DCLK2: variants seen among roughly 807,000 people sequenced by gnomAD.
The protein encoded by DCLK2 is doublecortin like kinase 2.
DCLK2 carries 31 observed loss-of-function variants against 78.4 expected under a neutral mutation model. The observed-to-expected ratio is 0.40, with a 90% CI of 0.30 to 0.53. The LOEUF (loss-of-function observed/expected upper bound fraction) is 0.53. Among genes scored for constraint, DCLK2 ranks in the 20% least tolerant of loss-of-function variants. The pLI is 0.61. For missense variants in DCLK2, 872 were observed against 973.7 expected (o/e 0.90, Z 1.39); for synonymous variants, 407 against 374.9 (o/e 1.09, Z -0.99).
Position 150,257,420 on chromosome 4 carries a change from T to C in DCLK2, c.*1173T>C, listed in dbSNP as rs1441327481. On this transcript the variant is annotated 3_prime_UTR_variant, in exon 16 of 16. Coordinates refer to ENST00000296550, the MANE Select transcript of DCLK2 (RefSeq NM_001040260.4). The stretch of plus-strand genomic sequence containing the variant: ...CAAGTGTCCCCAACCTGCAATAAAC[T>C]TTTCCCTCTTGAAAAAAAGTAATCA... The C allele has an allele frequency of 6.6e-6, 1 of 152,610 alleles. No individual in the cohort carries two copies. Among genetic ancestry groups the C allele is most frequent in the Admixed American group, 6.5e-5 (1 of 15,284 alleles). The allele number at this position is 152,610 out of a possible 1,614,324, so 9.5% of individuals were successfully genotyped here.
chr4:150,120,943 C>T (rs1340051353), intron 2 of DCLK2, among the ~76,000 whole-genome samples: 2 of 152,052 alleles, frequency 1.3e-5, no homozygotes, highest in African/African-American at 4.8e-5. Flanking sequence ...TGGTGGCAGG[C>T]ACCTGTAATC....
At chr4:150,193,058 T>G (rs1738588005) in intron 2 of DCLK2, 80 bp from the exon 3 acceptor site, 2 of 867,218 alleles carry the variant, frequency 2.3e-6, no homozygotes, top group Non-Finnish European at 3.7e-6. Context: ...AAATTCAGGC[T>G]TAAAAATTCA....
chr4:150,086,034 A>C (rs1225888269), intron 1 of DCLK2, among the ~76,000 whole-genome samples: 2 of 152,152 alleles, frequency 1.3e-5, no homozygotes, highest in Non-Finnish European at 2.9e-5. Flanking sequence ...ATTTAGATGG[A>C]GTTCTTAAAA....
chr4:150,215,715 C>G (rs1740653667), intron 5 of DCLK2, among the ~76,000 whole-genome samples: 2 of 152,152 alleles, frequency 1.3e-5, no homozygotes, highest in South Asian at 4.1e-4. Flanking sequence ...TGATTGACAA[C>G]CCTGTAGAAA....
rs777760494 is a variant in DCLK2 at position 150,131,663 on chromosome 4, G to A, written c.756+28851G>A. On this transcript the variant is annotated intron_variant, in intron 2 of 15. Transcript: ENST00000296550. ...GTTACTGGAGAGACTGGGTCCCAGA[G>A]TCACTGTTCCTTGTCAAAAGCTCTT... 1.3e-4 allele frequency among the ~76,000 whole-genome samples: 20 copies of A among 152,254 alleles called. 1 individual carries two copies. Among genetic ancestry groups the A allele is most frequent in the Non-Finnish European group, 2.4e-4 (16 of 68,022 alleles).
intron 2 of DCLK2, among the ~76,000 whole-genome samples, chr4:150,161,514 A>G (rs1022209938): frequency 1.3e-5 from 2 of 152,216 alleles, no homozygotes; most frequent in Non-Finnish European, 2.9e-5. Flanking sequence ...CAGATAATTT[A>G]TAAGACATGA....
At chr4:150,253,060 C>A (rs1325599775) in intron 15 of DCLK2, among the ~76,000 whole-genome samples, 2 of 151,998 alleles carry the variant, frequency 1.3e-5, no homozygotes, top group African/African-American at 4.8e-5. Flanking sequence ...ACTTGCGATG[C>A]TGCTGTATTG....
chr4:150,175,052 TTA>T (rs1171255687), intron 2 of DCLK2, among the ~76,000 whole-genome samples: 9 of 27,764 alleles, frequency 3.2e-4, no homozygotes, highest in Non-Finnish European at 4.6e-4. Flanking sequence ...ATTTATATAT[TTA>T]TATATATATT....
At chr4:150,217,636 C>G (rs1740824119) in intron 5 of DCLK2, among the ~76,000 whole-genome samples, 1 of 152,150 alleles carries the variant, frequency 6.6e-6, no homozygotes, top group South Asian at 2.1e-4. Context: ...ATCTTCTTAT[C>G]CCTTAAAACA....
At chr4:150,192,945 CTGT>C (rs1347629996) in intron 2 of DCLK2, among the ~76,000 whole-genome samples, 190 bp from the exon 3 acceptor site, 1 of 152,192 alleles carries the variant, frequency 6.6e-6, no homozygotes, top group African/African-American at 2.4e-5. Flanking sequence ...ATCCTTGACT[CTGT>C]TGTTCTGAGG....
chr4:150,124,517 ACGT>A (rs1229346462), intron 2 of DCLK2, among the ~76,000 whole-genome samples: 3 of 152,208 alleles, frequency 2.0e-5, no homozygotes, highest in Admixed American at 1.3e-4. Flanking sequence ...ACTGAAGCTG[ACGT>A]TAGTTACATG....
intron 5 of DCLK2, among the ~76,000 whole-genome samples, chr4:150,216,342 T>A (rs984901793): frequency 2.0e-4 from 30 of 152,198 alleles, no homozygotes; most frequent in Admixed American, 1.2e-3. Context: ...AAGTCTTTTT[T>A]AAAAAGTTCT....
intron 6 of DCLK2, 58 bp downstream of exon 6, chr4:150,220,836 C>T (rs772151741): frequency 5.2e-5 from 70 of 1,354,796 alleles, no homozygotes; most frequent in Non-Finnish European, 6.9e-5. Flanking sequence ...GGACTTGGTG[C>T]TCACCTAAAA....
chr4:150,116,417 G>A (rs962390146), intron 2 of DCLK2, among the ~76,000 whole-genome samples: 5 of 152,160 alleles, frequency 3.3e-5, no homozygotes, highest in African/African-American at 1.2e-4. Context: ...TCCCACAAGC[G>A]GAAAGTTCAG....
rs943836615 is a variant in DCLK2, at chr4:150,222,820, C to T, written c.1241+1035C>T. ...GGCAGAGGTTGCGGTGAGCCGAGAT[C>T]GTGCCATTGCACTTCAGCCTGGGCA... On this transcript the variant is annotated intron_variant, in intron 7 of 15. Coordinates refer to ENST00000296550, the MANE Select transcript of DCLK2 (RefSeq NM_001040260.4). Among the ~76,000 whole-genome samples the T allele has an allele frequency of 5.3e-5, 8 of 151,478 alleles. No individual in the cohort carries two copies. The South Asian group carries it at 6.2e-4, about 12-fold the overall frequency.
At chr4:150,095,770 T>C (rs2150144873) in intron 1 of DCLK2, among the ~76,000 whole-genome samples, 1 of 152,336 alleles carries the variant, frequency 6.6e-6, no homozygotes, top group Non-Finnish European at 1.5e-5. Context: ...AAGGTTCCTA[T>C]TGCTTTACTA....
At chr4:150,163,217 G>A (rs1018172845) in intron 2 of DCLK2, among the ~76,000 whole-genome samples, 2 of 152,102 alleles carry the variant, frequency 1.3e-5, no homozygotes, top group Admixed American at 6.5e-5. Context: ...GGCCAACATG[G>A]TGAAACCCTG....
chr4:150,174,825 T>A (rs28420313), intron 2 of DCLK2, among the ~76,000 whole-genome samples: 2 of 148,082 alleles, frequency 1.4e-5, no homozygotes, highest in Non-Finnish European at 3.0e-5. Context: ...GGTGAAACCC[T>A]GTATCCACTG....
At chr4:150,099,056 C>T (rs1730684555) in intron 1 of DCLK2, among the ~76,000 whole-genome samples, 1 of 151,860 alleles carries the variant, frequency 6.6e-6, no homozygotes, top group Non-Finnish European at 1.5e-5. Flanking sequence ...GCAGGATGTA[C>T]TTTTTCAGCT....
Sources: gnomAD v4.1 joint callset for allele counts (sites outside exome capture counted in the v4.1 genomes callset) on GRCh38, gnomAD v4.1.1 for gene constraint, MANE v1.5 for transcripts, NCBI Gene and HGNC (gene_info 2026-07-23, HGNC 2026-07-21) for gene names.